The following DBF4 variants were observed in gnomAD, a reference collection of about 807,000 sequenced individuals.
DBF4 encodes DBF4-CDC7 kinase regulatory subunit, also known as protein DBF4 homolog A.
In DBF4, 25 loss-of-function variants were observed where a neutral mutation model predicts 76.6. The observed-to-expected ratio is 0.33, with a 90% CI of 0.24 to 0.46. DBF4 has a LOEUF of 0.46. DBF4 is among the 20% of genes least tolerant of loss of function. The probability of loss-of-function intolerance (pLI) is 1.00; values close to 1 mark genes in which losing one functional copy is unlikely to be tolerated. For missense variants in DBF4, 638 were observed against 760.8 expected (o/e 0.84, Z 1.90); for synonymous variants, 213 against 258.0 (o/e 0.83, Z 1.67).
At chr7:87,893,277 C>T (rs1358030924) in intron 6 of DBF4, among the ~76,000 whole-genome samples, 3 of 134,084 alleles carry the variant, frequency 2.2e-5, no homozygotes, top group Non-Finnish European at 3.1e-5. Context: ...CTCGCTCTGT[C>T]GCCCAGGCCG....
intron 2 of DBF4, among the ~76,000 whole-genome samples, chr7:87,881,112 C>G (rs1002654482): frequency 6.6e-6 from 1 of 152,114 alleles, no homozygotes; most frequent in African/African-American, 2.4e-5. Flanking sequence ...TTGGTAGATT[C>G]AAAAATGAAT....
intron 4 of DBF4, 27 bp downstream of exon 4, chr7:87,886,921 T>A (rs1335637175): frequency 7.1e-7 from 1 of 1,401,174 alleles, no homozygotes; most frequent in East Asian, 2.3e-5. Context: ...AAGATTCACA[T>A]TGTACATTTT....
chr7:87,879,380 C>T (rs1349533506), intron 2 of DBF4, among the ~76,000 whole-genome samples: 2 of 152,214 alleles, frequency 1.3e-5, no homozygotes, highest in Non-Finnish European at 2.9e-5. Context: ...AACTAAAACA[C>T]TGTCACATGC....
intron 7 of DBF4, 98 bp from the exon 8 acceptor site, chr7:87,897,196 T>A: frequency 8.6e-7 from 1 of 1,166,386 alleles, no homozygotes. Context: ...ATACATAGTT[T>A]TTTGTTTGGA....
intron 2 of DBF4, chr7:87,878,571 G>A (rs1839127813): frequency 5.6e-6 from 1 of 179,110 alleles, no homozygotes; most frequent in Non-Finnish European, 1.2e-5. Context: ...AGTTTGTCTG[G>A]ACTAGTGTAA....
chr7:87,900,125 A>G, intron 8 of DBF4, 96 bp from the exon 9 acceptor site: 1 of 1,048,668 alleles, frequency 9.5e-7, no homozygotes, highest in Non-Finnish European at 1.4e-6. Flanking sequence ...GTTATTTCAG[A>G]TTCCAGCTTA....
chr7:87,900,168 C>CT, intron 8 of DBF4, 53 bp from the exon 9 acceptor site: 5 of 1,426,228 alleles, frequency 3.5e-6, no homozygotes, highest in Non-Finnish European at 4.8e-6. Flanking sequence ...AACTTTAAAC[C>CT]TTTTTTCTTT....
At chr7:87,906,201 C>T (rs1839910661) in intron 11 of DBF4, among the ~76,000 whole-genome samples, 1 of 151,852 alleles carries the variant, frequency 6.6e-6, no homozygotes, top group Non-Finnish European at 1.5e-5. Context: ...ACTCTAAGAA[C>T]TTATAATTCC....
chr7:87,876,776 A>T lies in DBF4; in HGVS notation c.44A>T (p.Gln15Leu). The T allele has an allele frequency of 1.9e-6, 3 of 1,614,094 alleles. No homozygotes were observed. The highest frequency in any genetic ancestry group is 2.5e-6 in the Non-Finnish European group (3 of 1,179,968). Residue 15 changes from glutamine to leucine, a missense_variant and splice_region_variant, in exon 1 of 12, where the codon CAG becomes CTG. Gln to Leu is a moderately radical substitution (Grantham distance 113). Transcript: ENST00000265728. ...AGGATCCACAGTAAAGGACATTTCC[A>T]GGGTAAGAAGCCCCTCCTCCGCCTG... Reference protein sequence around the residue: ...AMRIHSKGHFQGGIQVKNEKN... With the variant: ...AMRIHSKGHFLGGIQVKNEKN...
rs762741710 is a variant in DBF4 at position 87,907,261 on chromosome 7, G to A, written c.1123G>A (p.Val375Met). The A allele has an allele frequency of 4.7e-5, 76 of 1,613,610 alleles. No individual in the cohort carries two copies. Among genetic ancestry groups the A allele is most frequent in the Non-Finnish European group, 6.3e-5 (74 of 1,179,886 alleles). ...VLKKTEQKEK[V>M]ELQHISQKDC... ...GAAAAAGACTGAACAAAAGGAAAAAGTGGAATTGCAACATATTTCTCAGAA... is the reference window on the plus strand; with the variant it reads ...GAAAAAGACTGAACAAAAGGAAAAAATGGAATTGCAACATATTTCTCAGAA... Residue 375 changes from valine to methionine, a missense_variant, in exon 12 of 12, where the codon GTG becomes ATG. Physicochemically the swap from Val to Met is conservative, Grantham distance 21 (BLOSUM62 1). Coordinates refer to ENST00000265728, the MANE Select transcript of DBF4 (RefSeq NM_006716.4).
chr7:87,899,894 A>G (rs1328537001), intron 8 of DBF4, among the ~76,000 whole-genome samples: 1 of 152,206 alleles, frequency 6.6e-6, no homozygotes, highest in African/African-American at 2.4e-5. Context: ...ATGGGTATAG[A>G]GTTTCAGTTT....
intron 2 of DBF4, among the ~76,000 whole-genome samples, chr7:87,880,798 G>A (rs1318144112): frequency 6.6e-6 from 1 of 152,134 alleles, no homozygotes; most frequent in Non-Finnish European, 1.5e-5. Context: ...AATAGTGCAA[G>A]AAAAGTAGGT....
intron 6 of DBF4, among the ~76,000 whole-genome samples, chr7:87,892,641 G>GT (rs1399795058): frequency 1.3e-5 from 2 of 152,166 alleles, no homozygotes; most frequent in Admixed American, 6.5e-5. Flanking sequence ...ACTAGGTTTA[G>GT]TTTTGTTATA....
At chr7:87,886,739 C>T (rs1584356957) in intron 3 of DBF4, 105 bp from the exon 4 acceptor site, 2 of 708,566 alleles carry the variant, frequency 2.8e-6, no homozygotes, top group Non-Finnish European at 4.8e-6. Flanking sequence ...AAAAGAGAAA[C>T]TTTTTAATAT....
At chr7:87,880,191 C>T (rs1396377628) in intron 2 of DBF4, among the ~76,000 whole-genome samples, 1 of 152,178 alleles carries the variant, frequency 6.6e-6, no homozygotes, top group Non-Finnish European at 1.5e-5. Context: ...AAAGCAAGAA[C>T]TACTTGCCCC....
At chr7:87,892,615 T>TGC (rs1483899459) in intron 6 of DBF4, among the ~76,000 whole-genome samples, 1 of 152,240 alleles carries the variant, frequency 6.6e-6, no homozygotes, top group Non-Finnish European at 1.5e-5. Flanking sequence ...GTATGATTGC[T>TGC]GCTTCACATA....
At chr7:87,896,445 C>A (rs774176048) in intron 6 of DBF4, 29 bp from the exon 7 acceptor site, 4 of 1,600,860 alleles carry the variant, frequency 2.5e-6, no homozygotes, top group Non-Finnish European at 1.7e-6. Flanking sequence ...CTTTCAAAGC[C>A]AATCTTTTCA....
rs1839931681 is a variant in DBF4, at chr7:87,907,216, C to T, written c.1078C>T (p.Pro360Ser). Residue 360 changes from proline to serine, a missense_variant, in exon 12 of 12, where the codon CCT becomes TCT. Pro to Ser is a moderately conservative substitution (Grantham distance 74, BLOSUM62 -1). Coordinates refer to ENST00000265728, the MANE Select transcript of DBF4 (RefSeq NM_006716.4). The stretch of plus-strand genomic sequence containing the variant: ...AAAATACAGTGTTGGATCCCTTTCT[C>T]CTGTTTCTGCAAGTGTCCTGAAAAA... ...RIKYSVGSLS[P>S]VSASVLKKTE... 1.2e-6 allele frequency: 2 copies of T among 1,606,202 alleles called. No homozygotes were observed. The highest frequency in any genetic ancestry group is 1.1e-5 in the South Asian group (1 of 88,750).
chr7:87,902,795 T>C (rs1287926298), intron 10 of DBF4, among the ~76,000 whole-genome samples: 1 of 152,206 alleles, frequency 6.6e-6, no homozygotes, highest in Admixed American at 6.5e-5. Context: ...ATGGTAAAGT[T>C]TGCAAGTAAT....
Sources: gnomAD v4.1 joint callset for allele counts (sites outside exome capture counted in the v4.1 genomes callset) on GRCh38, gnomAD v4.1.1 for gene constraint, MANE v1.5 for transcripts, NCBI Gene and HGNC (gene_info 2026-07-23, HGNC 2026-07-21) for gene names.